The following PLPP4 variants were observed in gnomAD, a reference collection of about 807,000 sequenced individuals.
PLPP4 encodes diacylglycerol pyrophosphate like 2.
Under a neutral mutation model 32.2 loss-of-function variants are expected in PLPP4, and 20 were observed. The observed-to-expected ratio is 0.62, with a 90% confidence interval of 0.44 to 0.90. PLPP4 has a LOEUF of 0.90. Ranked by LOEUF, PLPP4 falls within the 40% of genes least tolerant of loss-of-function variation. The probability of loss-of-function intolerance (pLI) is 0.00; values close to 1 mark genes in which losing one functional copy is unlikely to be tolerated. For synonymous variants in PLPP4, 127 were observed against 133.0 expected (o/e 0.95, Z 0.31); for missense variants, 257 against 353.1 (o/e 0.73, Z 2.18).
intron 5 of PLPP4, among the ~76,000 whole-genome samples, chr10:120,569,265 C>G (rs1848824208): frequency 6.6e-6 from 1 of 151,816 alleles, no homozygotes; most frequent in African/African-American, 2.4e-5. Context: ...TCTTAATCCT[C>G]CTCTGCTGCT....
intron 5 of PLPP4, among the ~76,000 whole-genome samples, chr10:120,541,249 C>A (rs372695710): frequency 8.5e-5 from 13 of 152,250 alleles, no homozygotes; most frequent in African/African-American, 2.9e-4. Flanking sequence ...GGGCAAATTG[C>A]TTCACTTTTT....
intron 4 of PLPP4, among the ~76,000 whole-genome samples, chr10:120,519,105 G>C (rs1010981320): frequency 2.6e-5 from 4 of 152,264 alleles, no homozygotes; most frequent in African/African-American, 9.6e-5. Context: ...GCAAGGAAGT[G>C]CCCACTGACT....
intron 5 of PLPP4, among the ~76,000 whole-genome samples, chr10:120,558,884 ATAAAT>A (rs1342123677): frequency 6.7e-6 from 1 of 150,298 alleles, no homozygotes; most frequent in East Asian, 1.9e-4. Context: ...TAACTCTCAG[ATAAAT>A]TACTTGCAGT....
At chr10:120,480,067 A>G (rs1439672801) in intron 1 of PLPP4, among the ~76,000 whole-genome samples, 2 of 152,230 alleles carry the variant, frequency 1.3e-5, no homozygotes, top group African/African-American at 4.8e-5. Context: ...CTCTTATTTA[A>G]TATTTAGGTT....
At chr10:120,558,506 C>T (rs1235332114) in intron 5 of PLPP4, among the ~76,000 whole-genome samples, 1 of 151,082 alleles carries the variant, frequency 6.6e-6, no homozygotes, top group South Asian at 2.1e-4. Flanking sequence ...ACCTCCACCT[C>T]CCAGGTTCAA....
chr10:120,493,290 T>A (rs1215591403), intron 1 of PLPP4, among the ~76,000 whole-genome samples: 1 of 152,192 alleles, frequency 6.6e-6, no homozygotes, highest in Non-Finnish European at 1.5e-5. Flanking sequence ...GTGTTTGACT[T>A]GTTCCTCTTC....
intron 5 of PLPP4, among the ~76,000 whole-genome samples, chr10:120,524,034 T>TG (rs1385954211): frequency 4.6e-5 from 7 of 152,050 alleles, no homozygotes; most frequent in Non-Finnish European, 1.0e-4. Context: ...TGACATCTGA[T>TG]CTGTGCTAGA....
At chr10:120,589,224 A>C in intron 6 of PLPP4, 79 bp from the exon 7 acceptor site, 1 of 1,420,914 alleles carries the variant, frequency 7.0e-7, no homozygotes, top group Non-Finnish European at 9.9e-7. Flanking sequence ...AGGAAGGAAA[A>C]GTGCTTTCTG....
At chr10:120,552,165 GGTGT>G (rs58426120) in intron 5 of PLPP4, among the ~76,000 whole-genome samples, 34,514 of 138,454 alleles carry the variant, frequency 0.25, 4,378 homozygotes, top group Non-Finnish European at 0.3. Flanking sequence ...GTGGTGGTGG[GGTGT>G]GTGTGTGTGT....
At chr10:120,460,049 G>A (rs1274486439) in intron 1 of PLPP4, among the ~76,000 whole-genome samples, 6 of 152,168 alleles carry the variant, frequency 3.9e-5, no homozygotes, top group East Asian at 1.9e-4. Flanking sequence ...CAACCAACCC[G>A]TAGATGCTCA....
At chr10:120,565,030 CAT>C (rs1783099609) in intron 5 of PLPP4, among the ~76,000 whole-genome samples, 1 of 152,140 alleles carries the variant, frequency 6.6e-6, no homozygotes, top group South Asian at 2.1e-4. Flanking sequence ...GTTTAACACA[CAT>C]AGTTAACGAA....
At chr10:120,474,240 G>T (rs1843798564) in intron 1 of PLPP4, among the ~76,000 whole-genome samples, 1 of 151,710 alleles carries the variant, frequency 6.6e-6, no homozygotes, top group African/African-American at 2.4e-5. Context: ...CTTTGACACA[G>T]GTTTACATTT....
chr10:120,569,374 C>A (rs1848828525), intron 5 of PLPP4, among the ~76,000 whole-genome samples: 1 of 152,184 alleles, frequency 6.6e-6, no homozygotes, highest in Admixed American at 6.5e-5. Flanking sequence ...TTCTTCCCAC[C>A]ACTGTTCTTC....
chr10:120,494,594 G>T (rs985498610), intron 1 of PLPP4, among the ~76,000 whole-genome samples: 2 of 152,224 alleles, frequency 1.3e-5, no homozygotes, highest in African/African-American at 2.4e-5. Context: ...CCAAGAGGGG[G>T]TGGTAATTCC....
intron 1 of PLPP4, among the ~76,000 whole-genome samples, chr10:120,486,613 T>G (rs989318746): frequency 9.2e-5 from 14 of 152,240 alleles, no homozygotes; most frequent in African/African-American, 3.4e-4. Context: ...TTGTTTTAAA[T>G]TACTACTGAT....
chr10:120,492,334 C>A (rs559080281), intron 1 of PLPP4, among the ~76,000 whole-genome samples: 1 of 152,256 alleles, frequency 6.6e-6, no homozygotes, highest in Non-Finnish European at 1.5e-5. Flanking sequence ...ATTTGGACTT[C>A]TGGGGTGATG....
In PLPP4 at chr10:120,480,233, C is replaced by A. The variant is rs74159414; in HGVS notation, c.56+22872C>A. ...ACCATTCTTGTTACTGAGTGTGTTG[C>A]CCCCTTGAGTACAATAGCAGAACAT... On this transcript the variant is annotated intron_variant, in intron 1 of 6. Coordinates refer to ENST00000398250, the MANE Select transcript of PLPP4 (RefSeq NM_001030059.3). 7.9e-3 allele frequency among the ~76,000 whole-genome samples: 1,206 copies of A among 152,202 alleles called. 24 individuals are homozygous for A. Among genetic ancestry groups the A allele is most frequent in the African/African-American group, 0.027 (1,128 of 41,512 alleles).
chr10:120,588,819 G>A (rs1368941612), intron 6 of PLPP4, among the ~76,000 whole-genome samples: 6 of 152,252 alleles, frequency 3.9e-5, no homozygotes, highest in African/African-American at 1.2e-4. Flanking sequence ...GCCGAGGTGT[G>A]CAGATCACAT....
chr10:120,470,110 A>G (rs369815703), intron 1 of PLPP4, among the ~76,000 whole-genome samples: 4 of 152,220 alleles, frequency 2.6e-5, no homozygotes, highest in Non-Finnish European at 5.9e-5. Flanking sequence ...GGTGTCCATC[A>G]TTATGCATCC....
Sources: allele counts gnomAD v4.1 joint callset (sites outside exome capture counted in the v4.1 genomes callset), GRCh38; gene constraint gnomAD v4.1.1; transcripts MANE v1.5; gene names NCBI Gene and HGNC (gene_info 2026-07-23, HGNC 2026-07-21).